RUNDC3B: variants seen among roughly 807,000 people sequenced by gnomAD.
The protein encoded by RUNDC3B is RUN domain-containing protein 3B.
In RUNDC3B, 33 loss-of-function variants were observed where a neutral mutation model predicts 58.4. That is an observed-to-expected ratio of 0.56 (90% CI 0.43 to 0.75). The LOEUF (loss-of-function observed/expected upper bound fraction) is 0.75, where lower values mean the gene tolerates loss of function less well. Among genes scored for constraint, RUNDC3B ranks in the 30% least tolerant of loss-of-function variants. The probability of loss-of-function intolerance (pLI) is 0.00; values close to 1 mark genes in which losing one functional copy is unlikely to be tolerated. For synonymous variants in RUNDC3B, 193 were observed against 195.2 expected (o/e 0.99, Z 0.10); for missense variants, 501 against 535.7 (o/e 0.94, Z 0.64).
At chr7:87,713,546 C>T (rs188160799) in intron 4 of RUNDC3B, among the ~76,000 whole-genome samples, 15 of 151,324 alleles carry the variant, frequency 9.9e-5, no homozygotes, top group Non-Finnish European at 7.4e-5. Flanking sequence ...AAACAAAAAC[C>T]TCGAAGAGTT....
At chr7:87,792,135 T>A (rs925408912) in intron 8 of RUNDC3B, among the ~76,000 whole-genome samples, 3 of 152,058 alleles carry the variant, frequency 2.0e-5, no homozygotes, top group Non-Finnish European at 2.9e-5. Flanking sequence ...TCCTTAATGA[T>A]AAAGGGACCA....
At chr7:87,718,052 C>T (rs1467928413) in intron 4 of RUNDC3B, among the ~76,000 whole-genome samples, 2 of 152,052 alleles carry the variant, frequency 1.3e-5, no homozygotes, top group South Asian at 2.1e-4. Flanking sequence ...ATATAAAAAC[C>T]ATATGAATCT....
chr7:87,762,896 G>A lies in RUNDC3B; in HGVS notation c.630-7685G>A, dbSNP rs111597999. On this transcript the variant is annotated intron_variant, in intron 6 of 10. Transcript: ENST00000394654. ...CTGGAATTAAAAAAAAACTACTCCG[G>A]CAGGCTTTGTCTTTTAACTGAAGTG... Among the ~76,000 whole-genome samples the A allele has an allele frequency of 7.9e-3, 1,192 of 150,716 alleles. 21 individuals are homozygous for A. The highest frequency in any genetic ancestry group is 0.027 in the African/African-American group (1,131 of 41,268).
chr7:87,777,693 C>A (rs1834712216), intron 7 of RUNDC3B, 105 bp from the exon 8 acceptor site: 2 of 819,256 alleles, frequency 2.4e-6, no homozygotes, highest in Non-Finnish European at 1.9e-6. Flanking sequence ...GAAATTGTTT[C>A]ATTACAATAT....
At chr7:87,644,441 G>T (rs967315690) in intron 1 of RUNDC3B, among the ~76,000 whole-genome samples, 56 of 152,146 alleles carry the variant, frequency 3.7e-4, no homozygotes, top group Non-Finnish European at 6.6e-4. Flanking sequence ...TTGTAAATTT[G>T]GTTTGAAATA....
chr7:87,687,378 A>T (rs540412216), intron 2 of RUNDC3B, among the ~76,000 whole-genome samples: 1 of 152,146 alleles, frequency 6.6e-6, no homozygotes, highest in South Asian at 2.1e-4. Flanking sequence ...CCCTTCCACT[A>T]TATTTTAAAT....
chr7:87,748,790 G>A (rs1832797800), intron 6 of RUNDC3B, among the ~76,000 whole-genome samples: 2 of 152,154 alleles, frequency 1.3e-5, no homozygotes, highest in Admixed American at 6.6e-5. Context: ...CAAAGCTGAG[G>A]AGGGAAGGTA....
intron 4 of RUNDC3B, among the ~76,000 whole-genome samples, chr7:87,713,973 A>G (rs573462806): frequency 6.6e-6 from 1 of 152,350 alleles, no homozygotes; most frequent in African/African-American, 2.4e-5. Context: ...TAATTTTCAC[A>G]ATGTTTTAGC....
At chr7:87,712,212 T>C (rs28381721) in intron 4 of RUNDC3B, among the ~76,000 whole-genome samples, 19 of 152,272 alleles carry the variant, frequency 1.2e-4, no homozygotes, top group African/African-American at 4.6e-4. Context: ...AAAGTAAATC[T>C]GATATATACT....
chr7:87,799,105 C>T (rs944589282), intron 8 of RUNDC3B, among the ~76,000 whole-genome samples: 2 of 152,216 alleles, frequency 1.3e-5, no homozygotes, highest in African/African-American at 4.8e-5. Flanking sequence ...ATTCTCATTA[C>T]TCCTCTTGGT....
chr7:87,802,113 C>T (rs529062782), intron 8 of RUNDC3B, among the ~76,000 whole-genome samples: 11 of 152,140 alleles, frequency 7.2e-5, no homozygotes, highest in African/African-American at 2.6e-4. Flanking sequence ...ACTAATAGAC[C>T]GGCTGCAGTG....
At chr7:87,704,696 T>G (rs1264383413) in intron 3 of RUNDC3B, among the ~76,000 whole-genome samples, 2 of 152,212 alleles carry the variant, frequency 1.3e-5, no homozygotes, top group Non-Finnish European at 2.9e-5. Context: ...ATTTATATCT[T>G]TGTTTTGCTC....
chr7:87,702,925 CCTAA>C (rs1829223676), intron 3 of RUNDC3B, among the ~76,000 whole-genome samples: 1 of 152,078 alleles, frequency 6.6e-6, no homozygotes. Flanking sequence ...GTTGAGTATA[CCTAA>C]CTAACTCAAC....
intron 2 of RUNDC3B, among the ~76,000 whole-genome samples, chr7:87,691,520 A>T (rs1828011503): frequency 6.6e-6 from 1 of 152,114 alleles, no homozygotes; most frequent in Admixed American, 6.6e-5. Context: ...CTTTCTTTTA[A>T]CATTATATAT....
At chr7:87,807,331 G>T in intron 8 of RUNDC3B, 42 bp from the exon 9 acceptor site, 2 of 1,604,310 alleles carry the variant, frequency 1.2e-6, no homozygotes, top group South Asian at 2.2e-5. Flanking sequence ...TGCCATTGTA[G>T]AACAGTGAAG....
At chr7:87,676,876 C>T (rs960442698) in intron 2 of RUNDC3B, among the ~76,000 whole-genome samples, 6 of 152,016 alleles carry the variant, frequency 3.9e-5, no homozygotes, top group Non-Finnish European at 7.4e-5. Flanking sequence ...AAAAGACACT[C>T]GATATCACTA....
chr7:87,804,882 T>A (rs533234509), intron 8 of RUNDC3B, among the ~76,000 whole-genome samples: 1 of 152,292 alleles, frequency 6.6e-6, no homozygotes, highest in Admixed American at 6.5e-5. Context: ...AAGAAAAATA[T>A]CATTATTCTT....
At chr7:87,734,321 G>A (rs1423563513) in intron 4 of RUNDC3B, among the ~76,000 whole-genome samples, 1 of 152,176 alleles carries the variant, frequency 6.6e-6, no homozygotes, top group Non-Finnish European at 1.5e-5. Context: ...ACAGTGGAAT[G>A]TTATTCAGGC....
intron 5 of RUNDC3B, among the ~76,000 whole-genome samples, chr7:87,740,756 G>A (rs959095655): frequency 6.6e-6 from 1 of 152,116 alleles, no homozygotes; most frequent in Admixed American, 6.5e-5. Flanking sequence ...CTAGTATTAG[G>A]TTTAATTAGC....
Sources: gnomAD v4.1 joint callset for allele counts (sites outside exome capture counted in the v4.1 genomes callset) on GRCh38, gnomAD v4.1.1 for gene constraint, MANE v1.5 for transcripts, NCBI Gene and HGNC (gene_info 2026-07-23, HGNC 2026-07-21) for gene names.